Variants in RAB38 observed in about 807,000 individuals in gnomAD.
RAB38 encodes the protein ras-related protein Rab-38.
Under a neutral mutation model 18.4 loss-of-function variants are expected in RAB38, and 15 were observed. The ratio of observed to expected loss-of-function variants is 0.82; its 90% CI spans 0.55 to 1.26. The LOEUF (loss-of-function observed/expected upper bound fraction) is 1.26, where lower values mean the gene tolerates loss of function less well. Among genes scored for constraint, RAB38 ranks in the 50% most tolerant of loss-of-function variants. The pLI is 0.00. For missense variants in RAB38, 294 were observed against 267.4 expected, an observed-to-expected ratio of 1.10 and a Z score of -0.69; for synonymous variants, 101 against 104.4, an observed-to-expected ratio of 0.97 and a Z score of 0.20.
chr11:87,938,371 T>G, the RAB38 span, among the ~76,000 whole-genome samples: 74,601 of 151,748 alleles, frequency 0.49, 19,297 homozygotes, highest in African/African-American at 0.65. Flanking sequence ...TAAGGGGAAG[T>G]GGAAGACTCA....
At chr11:87,907,376 C>A in the RAB38 span, among the ~76,000 whole-genome samples, 1 of 151,648 alleles carries the variant, frequency 6.6e-6, no homozygotes, top group Non-Finnish European at 1.5e-5. Context: ...TGCCCCTTTC[C>A]TATTTCTTTT....
chr11:88,147,259 T>C (rs1260848171), intron 2 of RAB38, among the ~76,000 whole-genome samples: 5 of 152,352 alleles, frequency 3.3e-5, no homozygotes, highest in African/African-American at 4.8e-5. Context: ...CCAGAACATT[T>C]GTCTGGCATG....
At chr11:87,889,206 A>C in the RAB38 span, among the ~76,000 whole-genome samples, 1 of 151,828 alleles carries the variant, frequency 6.6e-6, no homozygotes, top group Non-Finnish European at 1.5e-5. Flanking sequence ...AAAGGAAAGA[A>C]GGTGGGAGCA....
chr11:87,870,205 C>T, the RAB38 span, among the ~76,000 whole-genome samples: 413 of 151,508 alleles, frequency 2.7e-3, 1 homozygote, highest in Non-Finnish European at 3.3e-3. Context: ...TTATGAGCAC[C>T]TCATTAAAGA....
chr11:88,172,010 C>G (rs1943316709), intron 1 of RAB38, among the ~76,000 whole-genome samples: 1 of 152,214 alleles, frequency 6.6e-6, no homozygotes, highest in Admixed American at 6.5e-5. Flanking sequence ...GTAAGTTTAA[C>G]CCACCTACTA....
the RAB38 span, among the ~76,000 whole-genome samples, chr11:88,053,798 T>A: frequency 2.6e-3 from 392 of 151,802 alleles, no homozygotes; most frequent in Non-Finnish European, 4.2e-3. Context: ...AAGCTTTTTT[T>A]TTTTTTTTAT....
the RAB38 span, among the ~76,000 whole-genome samples, chr11:87,888,643 G>A: frequency 1.3e-5 from 2 of 151,860 alleles, no homozygotes; most frequent in African/African-American, 4.8e-5. Context: ...AAGAACAAGG[G>A]GATTAGAAGG....
intron 1 of RAB38, among the ~76,000 whole-genome samples, chr11:88,151,545 C>T (rs918119998): frequency 6.6e-6 from 1 of 152,100 alleles, no homozygotes; most frequent in Admixed American, 6.5e-5. Flanking sequence ...TGTTAAGAGT[C>T]TTATAAAGTT....
chr11:87,852,358 C>A, the RAB38 span, among the ~76,000 whole-genome samples: 1 of 152,152 alleles, frequency 6.6e-6, no homozygotes, highest in Non-Finnish European at 1.5e-5. Context: ...AAGTCCTGAA[C>A]CCCATCAACC....
intron 2 of RAB38, among the ~76,000 whole-genome samples, chr11:88,129,213 G>C (rs1480227790): frequency 1.3e-5 from 2 of 151,978 alleles, no homozygotes; most frequent in Non-Finnish European, 2.9e-5. Flanking sequence ...TACTGGACAT[G>C]CAAAAAAGCA....
the RAB38 span, among the ~76,000 whole-genome samples, chr11:87,895,624 G>A: frequency 2.6e-5 from 4 of 151,564 alleles, no homozygotes; most frequent in African/African-American, 9.7e-5. Flanking sequence ...GAGTCTCTTT[G>A]GCTCCAAAGA....
the RAB38 span, among the ~76,000 whole-genome samples, chr11:87,976,073 TC>T: frequency 1.6e-4 from 24 of 150,378 alleles, no homozygotes; most frequent in African/African-American, 4.9e-4. Context: ...ACAAAAAATT[TC>T]CCCCTCAAAA....
the RAB38 span, among the ~76,000 whole-genome samples, chr11:87,912,013 T>C: frequency 6.6e-6 from 1 of 151,960 alleles, no homozygotes; most frequent in African/African-American, 2.4e-5. Context: ...ATTAAATGGA[T>C]TGATTTTCAA....
the RAB38 span, among the ~76,000 whole-genome samples, chr11:87,862,234 CA>C: frequency 6.6e-6 from 1 of 151,914 alleles, no homozygotes; most frequent in South Asian, 2.1e-4. Flanking sequence ...GCCCTATTCA[CA>C]ATAGCAAAGA....
At chr11:87,952,112 C>G in the RAB38 span, among the ~76,000 whole-genome samples, 1 of 152,004 alleles carries the variant, frequency 6.6e-6, no homozygotes, top group Non-Finnish European at 1.5e-5. Context: ...TCGCTGCATC[C>G]CCAAGCAGGT....
chr11:88,084,602 C>A, the RAB38 span, among the ~76,000 whole-genome samples: 5 of 151,912 alleles, frequency 3.3e-5, no homozygotes, highest in Non-Finnish European at 5.9e-5. Context: ...GACTGTTTAC[C>A]CTTCAAAGCC....
chr11:88,043,956 A>G, the RAB38 span, among the ~76,000 whole-genome samples: 110,304 of 152,112 alleles, frequency 0.73, 40,426 homozygotes, highest in African/African-American at 0.82. Context: ...TCTAGTAAGC[A>G]ACCTTTTTTT....
chr11:88,114,114 G>A lies in RAB38; in HGVS notation c.510C>T (p.Ser170=). The A allele has an allele frequency of 6.2e-7, 1 of 1,614,134 alleles. No individual in the cohort carries two copies. The highest frequency in any genetic ancestry group is 8.5e-7 in the Non-Finnish European group (1 of 1,180,000). Residue 170 remains serine (S), a synonymous_variant, in exon 3 of 3, where the codon TCC becomes TCT. Transcript: ENST00000243662. Reference sequence around the variant, plus strand: ...CAAGTATGTGTTTCACCAGGCATCTGGAGGCTTCATCAATGTTTATATTTT... The same window carrying A: ...CAAGTATGTGTTTCACCAGGCATCTAGAGGCTTCATCAATGTTTATATTTT... The part of the protein sequence containing the change: ...AKENINIDEA[S]RCLVKHILAN...
At chr11:88,062,637 TCTGA>T in the RAB38 span, among the ~76,000 whole-genome samples, 1 of 152,244 alleles carries the variant, frequency 6.6e-6, no homozygotes, top group Non-Finnish European at 1.5e-5. Flanking sequence ...CTTAAAGTAT[TCTGA>T]CTGTCTTTAA....
Sources: gnomAD v4.1 joint callset for allele counts (sites outside exome capture counted in the v4.1 genomes callset) on GRCh38, gnomAD v4.1.1 for gene constraint, MANE v1.5 for transcripts, NCBI Gene and HGNC (gene_info 2026-07-23, HGNC 2026-07-21) for gene names.